Variants in MFSD2B observed in about 807,000 individuals in gnomAD.
MFSD2B encodes sphingosine-1-phosphate transporter MFSD2B.
Under a neutral mutation model 58.4 loss-of-function variants are expected in MFSD2B, and 56 were observed. That is an observed-to-expected ratio of 0.96 (90% CI 0.77 to 1.20). MFSD2B has a LOEUF of 1.20. MFSD2B is among the 50% of genes most tolerant of loss of function. The probability of loss-of-function intolerance (pLI) is 0.00; values close to 1 mark genes in which losing one functional copy is unlikely to be tolerated. For synonymous variants in MFSD2B, 287 were observed against 294.4 expected, an observed-to-expected ratio of 0.97 and a Z score of 0.26; for missense variants, 645 against 667.6, an observed-to-expected ratio of 0.97 and a Z score of 0.37.
At position 24,010,112 on chromosome 2, in the gene MFSD2B, G is replaced by C; in HGVS notation, c.16G>C (p.Ala6Pro). 6.9e-7 allele frequency: 1 copy of C among 1,459,794 alleles called. No homozygotes were observed. 90.4% of individuals were successfully genotyped at this position (1,459,794 alleles called of 1,614,324 possible). The change falls in exon 1 of 14, where the codon GCA becomes CCA. Residue 6 changes from alanine (A) to proline (P), a missense_variant. Ala to Pro is a conservative substitution (Grantham distance 27). Transcript: ENST00000338315. ...TGCGGTGGCAATGGCGGCGCCCCCT[G>C]CACCAGCCGCCAAGGGGTCCCCGCA... is the stretch of plus-strand genomic sequence containing the variant. MAAPP[A>P]PAAKGSPQPE...
rs779832165 is a variant in MFSD2B, at chr2:24,022,584, T to C, written c.978+68T>C. On this transcript the variant is annotated intron_variant, in intron 9 of 13. Coordinates refer to ENST00000338315, the MANE Select transcript of MFSD2B (RefSeq NM_001346880.2). This position sits in a 1 kb window ranked among gnomAD's most constrained non-coding sequence, Gnocchi z 4.5. Reference sequence around the variant, plus strand: ...CTGAGCTGGGGACATGTGTGGTCCTTGATGTGACACATATGGCCAGAGTTC... The same window carrying C: ...CTGAGCTGGGGACATGTGTGGTCCTCGATGTGACACATATGGCCAGAGTTC... 11 of 1,299,284 alleles carry C rather than the reference T, an allele frequency of 8.5e-6. No individual in the cohort carries two copies. Among genetic ancestry groups the C allele is most frequent in the Non-Finnish European group, 1.2e-5 (11 of 925,422 alleles). The allele number at this position is 1,299,284 out of a possible 1,614,324, so 80.5% of individuals were successfully genotyped here.
Position 24,024,005 on chromosome 2 carries a change from G to C in MFSD2B, c.1314-90G>C. Reference sequence around the variant, plus strand: ...GGAAATGAAGTCCACGTTTCAGGAGGGGGTGGGGTGGGGTGAGGTGTCGAG... The same window carrying C: ...GGAAATGAAGTCCACGTTTCAGGAGCGGGTGGGGTGGGGTGAGGTGTCGAG... On this transcript the variant is annotated intron_variant, in intron 12 of 13. Coordinates refer to ENST00000338315, the MANE Select transcript of MFSD2B (RefSeq NM_001346880.2). This position sits in a 1 kb window ranked among gnomAD's most constrained non-coding sequence, Gnocchi z 4.3. 2.3e-6 allele frequency: 3 copies of C among 1,292,038 alleles called. 1 individual carries two copies. The South Asian group carries it at 3.9e-5, about 17-fold the overall frequency. 80.0% of individuals were successfully genotyped at this position (1,292,038 alleles called of 1,614,324 possible). A position where few individuals can be genotyped will look rare whatever the true frequency, so the allele number is the denominator to read the frequency against.
chr2:24,017,501 C>A lies in MFSD2B; in HGVS notation c.594C>A (p.Val198=), dbSNP rs1304240976. Residue 198 remains valine, a synonymous_variant, in exon 6 of 14, where the codon GTC becomes GTA. Coordinates refer to ENST00000338315, the MANE Select transcript of MFSD2B (RefSeq NM_001346880.2). The surrounding 1 kb of genome is among the most constrained non-coding windows in gnomAD (Gnocchi z 4.8). ...CGGGAACACTGATGGGGGCCACTGT[C>A]CACGGGCTCATCGTGTCCGGCGCCC... ...EMAGTLMGAT[V]HGLIVSGAHR... is the part of the protein sequence containing the mutation. 12 of 1,595,908 alleles carry A rather than the reference C, an allele frequency of 7.5e-6. No individual in the cohort carries two copies. Among genetic ancestry groups the A allele is most frequent in the Non-Finnish European group, 9.4e-6 (11 of 1,171,468 alleles).
In MFSD2B at chr2:24,012,496, G is replaced by A. The variant is rs187682321; in HGVS notation, c.97-789G>A. On this transcript the variant is annotated intron_variant, in intron 1 of 13. Transcript: ENST00000338315. This position sits in a 1 kb window ranked among gnomAD's most constrained non-coding sequence, Gnocchi z 4.5. The stretch of plus-strand genomic sequence containing the variant: ...TGGGCTCAAGCAATCCACCTACCTC[G>A]GCCTCCCAAAGTGCTGGGTTTATAG... 1.3e-4 allele frequency among the ~76,000 whole-genome samples: 20 copies of A among 152,206 alleles called. No homozygotes were observed. The highest frequency in any genetic ancestry group is 1.9e-4 in the African/African-American group (8 of 41,510).
Position 24,025,515 on chromosome 2 carries a change from G to A in MFSD2B, c.*59G>A, listed in dbSNP as rs1042146864. 12 of 1,408,672 alleles carry A rather than the reference G, an allele frequency of 8.5e-6. No homozygotes were observed. The highest frequency in any genetic ancestry group is 5.7e-5 in the African/African-American group (4 of 70,392). 87.3% of individuals were successfully genotyped at this position (1,408,672 alleles called of 1,614,324 possible). A position where few individuals can be genotyped will look rare whatever the true frequency, so the allele number is the denominator to read the frequency against. ...GCCAGCACCCTCGGGGCCTGACATC[G>A]CCCTCCTCAGCCCTCCAGCACCTGG... On this transcript the variant is annotated 3_prime_UTR_variant, in exon 14 of 14. Coordinates refer to ENST00000338315, the MANE Select transcript of MFSD2B (RefSeq NM_001346880.2).
In MFSD2B at chr2:24,021,798, G is replaced by T. The variant is rs1003846180; in HGVS notation, c.773-51G>T. Reference sequence around the variant, plus strand: ...GGGGCAGGGCTCTGCTTGGGGGCAGGTTTTGCTTTTGAACTCTGCGAAGCC... The same window carrying T: ...GGGGCAGGGCTCTGCTTGGGGGCAGTTTTTGCTTTTGAACTCTGCGAAGCC... On this transcript the variant is annotated intron_variant, in intron 7 of 13. Transcript: ENST00000338315. The surrounding 1 kb of genome is among the most constrained non-coding windows in gnomAD (Gnocchi z 5.7). The T allele has an allele frequency of 1.2e-6, 2 of 1,613,114 alleles. No individual in the cohort carries two copies. The highest frequency in any genetic ancestry group is 1.7e-6 in the Non-Finnish European group (2 of 1,179,328).
At chr2:24,015,142 C>A (rs1573634083) in intron 2 of MFSD2B, among the ~76,000 whole-genome samples, 1 of 148,240 alleles carries the variant, frequency 6.7e-6, no homozygotes, top group African/African-American at 2.5e-5. Flanking sequence ...AAACCAACAA[C>A]AAAAAAATGA....
chr2:24,024,021 A>T lies in MFSD2B; in HGVS notation c.1314-74A>T. On this transcript the variant is annotated intron_variant, in intron 12 of 13. Transcript: ENST00000338315. The surrounding 1 kb of genome is among the most constrained non-coding windows in gnomAD (Gnocchi z 4.3). ...TTTCAGGAGGGGGTGGGGTGGGGTG[A>T]GGTGTCGAGTCCCTCCACCCAGGGT... 6.9e-7 allele frequency: 1 copy of T among 1,441,090 alleles called. No homozygotes were observed. The highest frequency in any genetic ancestry group is 9.6e-7 in the Non-Finnish European group (1 of 1,041,962). 89.3% of individuals were successfully genotyped at this position (1,441,090 alleles called of 1,614,324 possible). A position where few individuals can be genotyped will look rare whatever the true frequency, so the allele number is the denominator to read the frequency against.
At position 24,023,854 on chromosome 2, in the gene MFSD2B, G is replaced by A. The variant is rs1309462520; in HGVS notation, c.1313+128G>A. 12 of 1,204,180 alleles carry A rather than the reference G, an allele frequency of 1.0e-5. No homozygotes were observed. The East Asian group carries it at 1.9e-4, about 19-fold the overall frequency. 74.6% of individuals were successfully genotyped at this position (1,204,180 alleles called of 1,614,324 possible). ...GCCTAAGCGCTACTCTTTGGAGAGT[G>A]TGGGGAACCACTTCCCCAGGTTTCT... On this transcript the variant is annotated intron_variant, in intron 12 of 13. Transcript: ENST00000338315. The surrounding 1 kb of genome is among the most constrained non-coding windows in gnomAD (Gnocchi z 5.0).
intron 6 of MFSD2B, among the ~76,000 whole-genome samples, chr2:24,019,273 A>G (rs1218542749): frequency 1.3e-5 from 2 of 152,208 alleles, no homozygotes; most frequent in African/African-American, 4.8e-5. Context: ...GTAGATCCTC[A>G]GGCCCTACCT....
rs1358241239 is a variant in MFSD2B at position 24,012,908 on chromosome 2, G to A, written c.97-377G>A. The A allele has an allele frequency of 5.8e-6, 1 of 171,066 alleles. No individual in the cohort carries two copies. The highest frequency in any genetic ancestry group is 1.2e-5 in the Non-Finnish European group (1 of 80,568). 10.6% of individuals were successfully genotyped at this position (171,066 alleles called of 1,614,324 possible). ...TGCATTTGACAGATGAGGAAAACAG[G>A]CTTAGAGAGATGATGTGATTTATTC... On this transcript the variant is annotated intron_variant, in intron 1 of 13. Transcript: ENST00000338315. This position sits in a 1 kb window ranked among gnomAD's most constrained non-coding sequence, Gnocchi z 4.5.
rs1372409677 is a variant in MFSD2B, at chr2:24,026,156, A to G, written c.*700A>G. ...GTGTAAGTAACAGGAAATTCACATT[A>G]TGCTGTACTCATTCTCTAATATCAC... On this transcript the variant is annotated 3_prime_UTR_variant, in exon 14 of 14. Transcript: ENST00000338315. The G allele has an allele frequency of 6.6e-6, 1 of 152,422 alleles. No homozygotes were observed. The highest frequency in any genetic ancestry group is 1.5e-5 in the Non-Finnish European group (1 of 68,206). The allele number at this position is 152,422 out of a possible 1,614,324, so 9.4% of individuals were successfully genotyped here.
At position 24,017,078 on chromosome 2, in the gene MFSD2B, G is replaced by T; in HGVS notation, c.471+110G>T. ...GCTGCCGCCCTCCCCACCCGCCTGT[G>T]CCTGGACCATGCCATTGGCACTCGC... On this transcript the variant is annotated intron_variant, in intron 4 of 13. Transcript: ENST00000338315. The surrounding 1 kb of genome is among the most constrained non-coding windows in gnomAD (Gnocchi z 4.8). 6.7e-7 allele frequency: 1 copy of T among 1,503,728 alleles called. No individual in the cohort carries two copies. The highest frequency in any genetic ancestry group is 9.0e-7 in the Non-Finnish European group (1 of 1,107,024). The allele number at this position is 1,503,728 out of a possible 1,614,324, so 93.1% of individuals were successfully genotyped here. A position where few individuals can be genotyped will look rare whatever the true frequency, so the allele number is the denominator to read the frequency against.
chr2:24,019,421 C>G (rs1331419566), intron 6 of MFSD2B, among the ~76,000 whole-genome samples: 1 of 152,062 alleles, frequency 6.6e-6, no homozygotes, highest in Non-Finnish European at 1.5e-5. Context: ...TGGCCCACCA[C>G]CCATTCAAGA....
In MFSD2B at chr2:24,012,172, AC is replaced by A. The variant is rs141385994; in HGVS notation, c.97-1112del. On this transcript the variant is annotated intron_variant, in intron 1 of 13. Coordinates refer to ENST00000338315, the MANE Select transcript of MFSD2B (RefSeq NM_001346880.2). The surrounding 1 kb of genome is among the most constrained non-coding windows in gnomAD (Gnocchi z 4.5). The stretch of plus-strand genomic sequence containing the variant: ...ACAAAACACACACACACACACACAC[AC>A]ACACACAAAAACAGACAAAAAAACC... Among the ~76,000 whole-genome samples the A allele has an allele frequency of 0.091, 4,051 of 44,328 alleles. 114 individuals are homozygous for A. Among genetic ancestry groups the A allele is most frequent in the Middle Eastern group, 0.24 (18 of 76 alleles). The allele number at this position is 44,328 out of a possible 152,430, so 29.1% of individuals were successfully genotyped here.
At chr2:24,011,062 G>A (rs377203522) in intron 1 of MFSD2B, among the ~76,000 whole-genome samples, 1 of 152,198 alleles carries the variant, frequency 6.6e-6, no homozygotes. Context: ...ACGACTCTCC[G>A]AGGGGTGGCA....
chr2:24,011,597 A>C (rs1227454083), intron 1 of MFSD2B, among the ~76,000 whole-genome samples: 1 of 152,208 alleles, frequency 6.6e-6, no homozygotes, highest in Non-Finnish European at 1.5e-5. Context: ...TCCAGCCCCC[A>C]GCAAACGATG....
At position 24,017,636 on chromosome 2, in the gene MFSD2B, A is replaced by G. The variant is rs921523831; in HGVS notation, c.681+48A>G. The G allele has an allele frequency of 4.4e-5, 66 of 1,509,972 alleles. No homozygotes were observed. In the Admixed American group the frequency reaches 1.3e-3, roughly 30 times the overall value. The allele number at this position is 1,509,972 out of a possible 1,614,324, so 93.5% of individuals were successfully genotyped here. A position where few individuals can be genotyped will look rare whatever the true frequency, so the allele number is the denominator to read the frequency against. ...CCCCCCAACCTGGGGTCCCCTCTGC[A>G]GGGTCACCTCCTTCCTCTAGGGCTG... On this transcript the variant is annotated intron_variant, in intron 6 of 13. Transcript: ENST00000338315. This position sits in a 1 kb window ranked among gnomAD's most constrained non-coding sequence, Gnocchi z 4.8.
At chr2:24,010,924 A>AGTGAG (rs1360607377) in intron 1 of MFSD2B, among the ~76,000 whole-genome samples, 16 of 152,178 alleles carry the variant, frequency 1.1e-4, no homozygotes, top group Non-Finnish European at 2.1e-4. Context: ...CCCACAAGAA[A>AGTGAG]GTGAGGTGAG....
Sources: allele counts gnomAD v4.1 joint callset (sites outside exome capture counted in the v4.1 genomes callset), GRCh38; gene constraint gnomAD v4.1.1; non-coding constraint Gnocchi (gnomAD v3.1); transcripts MANE v1.5; gene names NCBI Gene and HGNC (gene_info 2026-07-23, HGNC 2026-07-21).